Variants in CHAT observed in about 807,000 individuals in gnomAD.
CHAT encodes the protein acetyl CoA:choline O-acetyltransferase.
Under a neutral mutation model 76.9 loss-of-function variants are expected in CHAT, and 61 were observed. The observed-to-expected ratio is 0.79, with a 90% CI of 0.65 to 0.98. CHAT has a LOEUF of 0.98. Ranked by LOEUF, CHAT falls within the 50% of genes least tolerant of loss-of-function variation. CHAT has a pLI of 0.00. For synonymous variants in CHAT, 407 were observed against 397.4 expected (o/e 1.02, Z -0.29); for missense variants, 946 against 986.9 (o/e 0.96, Z 0.56).
intron 1 of CHAT, 57 bp downstream of exon 1, chr10:49,614,532 G>C: frequency 6.8e-7 from 1 of 1,466,236 alleles, no homozygotes; most frequent in South Asian, 1.2e-5. Flanking sequence ...CAAGGGCGGC[G>C]GTCGGGGGCT....
At chr10:49,611,205 G>T (rs1838285017), upstream of CHAT, 1 of 1,613,970 alleles carries the variant, frequency 6.2e-7, no homozygotes, top group African/African-American at 1.3e-5. Flanking sequence ...ACGTGCCGCT[G>T]CTGATCGGCC....
intron 1 of CHAT, chr10:49,615,870 G>C: frequency 1.6e-6 from 1 of 631,862 alleles, no homozygotes; most frequent in East Asian, 2.7e-5. Flanking sequence ...GCAGACCCGA[G>C]ACTGCCTAGG....
intron 7 of CHAT, 147 bp from the exon 8 acceptor site, chr10:49,646,358 G>A: frequency 4.0e-6 from 4 of 990,674 alleles, no homozygotes; most frequent in Non-Finnish European, 6.3e-6. Flanking sequence ...CCACAGTGGG[G>A]CAAGGTGGGG....
chr10:49,638,536 C>A (rs147196924), intron 7 of CHAT, among the ~76,000 whole-genome samples: 1 of 151,982 alleles, frequency 6.6e-6, no homozygotes, highest in African/African-American at 2.4e-5. Context: ...GTGGGTTACC[C>A]GAACATTTTT....
intron 7 of CHAT, among the ~76,000 whole-genome samples, chr10:49,644,628 A>C (rs753103918): frequency 1.3e-5 from 2 of 152,194 alleles, no homozygotes; most frequent in African/African-American, 2.4e-5. Context: ...ACAGGAGGGA[A>C]GAGAGGATGT....
intron 8 of CHAT, 144 bp from the exon 9 acceptor site, chr10:49,648,363 G>A (rs1839748897): frequency 4.3e-6 from 3 of 701,966 alleles, no homozygotes; most frequent in Non-Finnish European, 7.8e-6. Flanking sequence ...GCAATCACAT[G>A]CAGTGTTCTC....
intron 4 of CHAT, 113 bp from the exon 5 acceptor site, chr10:49,621,984 A>ACGAGGAAGG: frequency 8.4e-7 from 1 of 1,192,298 alleles, no homozygotes. Flanking sequence ...GAAGGGAGGG[A>ACGAGGAAGG]AGAGGAAGGA....
In CHAT at chr10:49,619,860, C is replaced by T. The variant is rs759928572; in HGVS notation, c.523C>T (p.Leu175Phe). The T allele has an allele frequency of 1.9e-6, 3 of 1,613,404 alleles. No individual in the cohort carries two copies. The highest frequency in any genetic ancestry group is 3.3e-5 in the Admixed American group (2 of 59,962). ...IVQQFGAPGG[L>F]GETLQQKLLE... ...GCAGCAGTTTGGGGCCCCTGGTGGC[C>T]TCGGCGAGACCCTGCAGCAGAAACT... The change falls in exon 3 of 15, where the codon CTC (leucine) becomes TTC (phenylalanine). Residue 175 changes from leucine (L) to phenylalanine (F), a missense_variant. Physicochemically the swap from Leu to Phe is conservative, Grantham distance 22 (BLOSUM62 0). Around this residue, in one of 3 missense-constraint regions of CHAT, gnomAD observed 548 missense variants for 516.2 expected, o/e 1.06. Coordinates refer to ENST00000337653, the MANE Select transcript of CHAT (RefSeq NM_020549.5).
chr10:49,614,246 AG>A lies in CHAT; in HGVS notation c.58del (p.Glu20ArgfsTer180). ...GLGGGGKWKR[E>X]EGGGTRGRRE... ...TTGGGGGAGGGGGGAAATGGAAGAG[AG>A]AGGAGGGAGGAGGTACAAGAGGAAG... is the stretch of plus-strand genomic sequence containing the variant. On this transcript the variant is annotated frameshift_variant, in exon 1 of 15. Coordinates refer to ENST00000337653, the MANE Select transcript of CHAT (RefSeq NM_020549.5). LOFTEE classifies it high-confidence loss of function. 3.2e-6 allele frequency: 5 copies of A among 1,544,868 alleles called. No homozygotes were observed. Among genetic ancestry groups the A allele is most frequent in the Non-Finnish European group, 4.4e-6 (5 of 1,144,014 alleles).
At chr10:49,643,573 G>A (rs971693777) in intron 7 of CHAT, among the ~76,000 whole-genome samples, 23 of 152,204 alleles carry the variant, frequency 1.5e-4, no homozygotes, top group Admixed American at 1.4e-3. Context: ...CTAAGGAGGG[G>A]AGAAGGGCAG....
At chr10:49,639,072 T>C (rs1467913211) in intron 7 of CHAT, among the ~76,000 whole-genome samples, 3 of 152,024 alleles carry the variant, frequency 2.0e-5, no homozygotes, top group African/African-American at 7.3e-5. Context: ...CTGTCTCTAC[T>C]AATAATACAA....
rs1029641247 is a variant in CHAT, at chr10:49,657,426, A to T, written c.1839+1978A>T. ...CACATGAAGTTTGGACAGGACCCAAACATCCAAACCATAGCAGTTGATGAT... is the reference window on the plus strand; with the variant it reads ...CACATGAAGTTTGGACAGGACCCAATCATCCAAACCATAGCAGTTGATGAT... On this transcript the variant is annotated intron_variant, in intron 13 of 14. Transcript: ENST00000337653. Among the ~76,000 whole-genome samples the T allele has an allele frequency of 3.3e-5, 5 of 152,124 alleles. No homozygotes were observed. The South Asian group carries it at 1.0e-3, about 32-fold the overall frequency.
chr10:49,657,179 A>C (rs555616326), intron 13 of CHAT, among the ~76,000 whole-genome samples: 2 of 152,224 alleles, frequency 1.3e-5, no homozygotes, highest in African/African-American at 2.4e-5. Context: ...AGGTGCCAGA[A>C]GGTTCAGTGT....
chr10:49,624,385 A>G (rs1410439110), intron 5 of CHAT, among the ~76,000 whole-genome samples: 2 of 152,236 alleles, frequency 1.3e-5, no homozygotes, highest in Non-Finnish European at 2.9e-5. Context: ...GGTCAGTCAC[A>G]GCAGTTCAGT....
rs771354440 is a variant in CHAT at position 49,665,030 on chromosome 10, A to G, written c.2231A>G (p.Gln744Arg). The G allele has an allele frequency of 6.2e-7, 1 of 1,614,068 alleles. No individual in the cohort carries two copies. The highest frequency in any genetic ancestry group is 1.1e-5 in the South Asian group (1 of 91,074). ...ATKEKATRPS[Q>R]GHQP ...AAGGAAAAAGCCACGAGGCCCAGCC[A>G]GGGACACCAACCTTGACTCCTGCCA... The change falls in exon 15 of 15, where the codon CAG becomes CGG. Residue 744 changes from glutamine to arginine, a missense_variant. Coordinates refer to ENST00000337653, the MANE Select transcript of CHAT (RefSeq NM_020549.5).
At chr10:49,616,928 T>C (rs1275022185) in intron 2 of CHAT, among the ~76,000 whole-genome samples, 1 of 152,198 alleles carries the variant, frequency 6.6e-6, no homozygotes, top group East Asian at 1.9e-4. Flanking sequence ...CCCAGTGATT[T>C]TGCCTTAGGG....
At chr10:49,650,069 C>A (rs1208842854) in intron 10 of CHAT, among the ~76,000 whole-genome samples, 1 of 152,146 alleles carries the variant, frequency 6.6e-6, no homozygotes, top group East Asian at 1.9e-4. Flanking sequence ...GCCGTTCAGG[C>A]CCTAACGGGA....
intron 2 of CHAT, among the ~76,000 whole-genome samples, chr10:49,618,753 T>A (rs565790961): frequency 2.0e-5 from 3 of 152,314 alleles, no homozygotes; most frequent in East Asian, 3.9e-4. Flanking sequence ...AGTTGGGGGT[T>A]CTTCCTAGAC....
At chr10:49,660,389 C>G (rs569970247) in intron 13 of CHAT, among the ~76,000 whole-genome samples, 13 of 151,636 alleles carry the variant, frequency 8.6e-5, no homozygotes, top group South Asian at 2.1e-4. Context: ...TTGCAGTGAG[C>G]TGAGATCGCG....
Sources: gnomAD v4.1 joint callset for allele counts (sites outside exome capture counted in the v4.1 genomes callset) on GRCh38, gnomAD v4.1.1 for gene constraint, gnomAD v4.1.1 regional missense constraint, MANE v1.5 for transcripts, NCBI Gene and HGNC (gene_info 2026-07-23, HGNC 2026-07-21) for gene names.